TMEM132D: variants seen among roughly 807,000 people sequenced by gnomAD.
TMEM132D encodes the protein mature OL transmembrane protein.
TMEM132D carries 21 observed loss-of-function variants against 62.3 expected under a neutral mutation model. The ratio of observed to expected loss-of-function variants is 0.34; its 90% CI spans 0.24 to 0.49. The LOEUF (loss-of-function observed/expected upper bound fraction) is 0.49, where lower values mean the gene tolerates loss of function less well. TMEM132D is among the 20% of genes least tolerant of loss of function. The pLI is 0.99. For missense variants in TMEM132D, 1,346 were observed against 1,402.8 expected (o/e 0.96, Z 0.65); for synonymous variants, 621 against 575.6 (o/e 1.08, Z -1.13).
intron 2 of TMEM132D, among the ~76,000 whole-genome samples, chr12:129,593,138 A>T (rs1878241287): frequency 6.6e-6 from 1 of 152,182 alleles, no homozygotes; most frequent in African/African-American, 2.4e-5. Context: ...AAAAAGGTTA[A>T]TCGTTTAGAA....
At chr12:129,550,949 C>A (rs964843851) in intron 2 of TMEM132D, among the ~76,000 whole-genome samples, 2 of 152,180 alleles carry the variant, frequency 1.3e-5, no homozygotes, top group African/African-American at 4.8e-5. Context: ...TCAGCCTCCA[C>A]CATCCTCTTG....
At chr12:129,562,309 C>T (rs1394148017) in intron 2 of TMEM132D, among the ~76,000 whole-genome samples, 1 of 152,176 alleles carries the variant, frequency 6.6e-6, no homozygotes, top group Non-Finnish European at 1.5e-5. Flanking sequence ...ATTTGAGGCA[C>T]ACTCTACTCT....
chr12:129,105,423 T>C (rs1458890834), intron 5 of TMEM132D, among the ~76,000 whole-genome samples: 1 of 130,602 alleles, frequency 7.7e-6, no homozygotes, highest in Non-Finnish European at 1.6e-5. Context: ...GGGATAGCAT[T>C]GGGAGATATA....
chr12:129,292,743 T>C (rs1881480849), intron 4 of TMEM132D, among the ~76,000 whole-genome samples: 1 of 152,136 alleles, frequency 6.6e-6, no homozygotes, highest in South Asian at 2.1e-4. Context: ...GACATATTCA[T>C]AGTTAATTAT....
intron 1 of TMEM132D, among the ~76,000 whole-genome samples, chr12:129,807,801 T>G (rs1872040767): frequency 6.6e-6 from 1 of 152,162 alleles, no homozygotes; most frequent in Non-Finnish European, 1.5e-5. Flanking sequence ...TAATAGCCAT[T>G]CACGTCCAGC....
chr12:129,201,347 T>A (rs1305222844), intron 5 of TMEM132D, among the ~76,000 whole-genome samples: 1 of 152,162 alleles, frequency 6.6e-6, no homozygotes, highest in Non-Finnish European at 1.5e-5. Flanking sequence ...GTTCTTACAA[T>A]GTCCCCAACC....
At chr12:129,680,202 C>T (rs264508) in intron 2 of TMEM132D, among the ~76,000 whole-genome samples, 34,297 of 152,086 alleles carry the variant, frequency 0.23, 4,130 homozygotes, top group Middle Eastern at 0.28. Context: ...TTCTTCCACG[C>T]GCTTGGATAA....
intron 2 of TMEM132D, among the ~76,000 whole-genome samples, chr12:129,697,787 T>C (rs1339614236): frequency 6.6e-6 from 1 of 152,200 alleles, no homozygotes; most frequent in Non-Finnish European, 1.5e-5. Flanking sequence ...TTGGTTTTGT[T>C]ACAGACTGCC....
chr12:129,297,777 G>T (rs1566025314), intron 4 of TMEM132D, among the ~76,000 whole-genome samples: 2 of 152,136 alleles, frequency 1.3e-5, no homozygotes, highest in African/African-American at 2.4e-5. Context: ...TTTAACAAAG[G>T]TTGATTTCCT....
intron 5 of TMEM132D, among the ~76,000 whole-genome samples, chr12:129,156,645 AACTC>A (rs1442657493): frequency 6.6e-6 from 1 of 152,160 alleles, no homozygotes; most frequent in Non-Finnish European, 1.5e-5. Flanking sequence ...CATAATAACT[AACTC>A]ACTCCTGTGA....
intron 2 of TMEM132D, among the ~76,000 whole-genome samples, chr12:129,587,903 A>G (rs1878075255): frequency 6.6e-6 from 1 of 152,240 alleles, no homozygotes; most frequent in Non-Finnish European, 1.5e-5. Context: ...TAACCACGTT[A>G]TAGCTCTGAA....
At chr12:129,292,391 T>TA (rs1221501197) in intron 4 of TMEM132D, among the ~76,000 whole-genome samples, 1 of 152,196 alleles carries the variant, frequency 6.6e-6, no homozygotes, top group Non-Finnish European at 1.5e-5. Flanking sequence ...AAGATTCTTA[T>TA]AGAGAAGAGG....
intron 2 of TMEM132D, among the ~76,000 whole-genome samples, chr12:129,666,674 C>A (rs1035991058): frequency 2.0e-5 from 3 of 152,144 alleles, no homozygotes; most frequent in African/African-American, 7.2e-5. Flanking sequence ...ACAGTCAGAC[C>A]TTATCTTCAT....
intron 3 of TMEM132D, chr12:129,522,888 T>C (rs1328757213): frequency 6.6e-6 from 1 of 151,994 alleles, no homozygotes; most frequent in African/African-American, 2.4e-5. Context: ...AGATTAGATA[T>C]ATATGTAGAC....
intron 2 of TMEM132D, among the ~76,000 whole-genome samples, chr12:129,583,689 G>T (rs140236563): frequency 6.6e-6 from 1 of 152,172 alleles, no homozygotes; most frequent in Admixed American, 6.5e-5. Context: ...CCCGTGGGGG[G>T]TGAGCTTGCC....
chr12:129,197,448 C>T (rs548952328), intron 5 of TMEM132D, among the ~76,000 whole-genome samples: 1 of 152,246 alleles, frequency 6.6e-6, no homozygotes, highest in Non-Finnish European at 1.5e-5. Flanking sequence ...AAAAATAATA[C>T]CACTTTCAAT....
intron 5 of TMEM132D, chr12:129,109,878 A>C (rs1195881303): frequency 6.5e-6 from 1 of 153,104 alleles, no homozygotes; most frequent in Non-Finnish European, 1.5e-5. Flanking sequence ...TCTATGCGGC[A>C]GCGTTGGGTG....
chr12:129,221,075 C>A (rs936961927), intron 4 of TMEM132D, among the ~76,000 whole-genome samples: 1 of 152,170 alleles, frequency 6.6e-6, no homozygotes, highest in Non-Finnish European at 1.5e-5. Flanking sequence ...CAGGTCCTTA[C>A]AGTTCAGAAG....
intron 5 of TMEM132D, among the ~76,000 whole-genome samples, chr12:129,131,189 A>AGAAG: frequency 6.6e-6 from 1 of 152,254 alleles, no homozygotes; most frequent in Non-Finnish European, 1.5e-5. Context: ...GTATGTATGC[A>AGAAG]TAAGTATGTA....
Sources: allele counts gnomAD v4.1 joint callset (sites outside exome capture counted in the v4.1 genomes callset), GRCh38; gene constraint gnomAD v4.1.1; transcripts MANE v1.5; gene names NCBI Gene and HGNC (gene_info 2026-07-23, HGNC 2026-07-21).